Variants in SOSTDC1 observed in about 807,000 individuals in gnomAD.
SOSTDC1 encodes the protein sclerostin domain-containing protein 1.
SOSTDC1 carries 7 observed loss-of-function variants against 15.1 expected under a neutral mutation model. The observed-to-expected ratio is 0.46, with a 90% CI of 0.26 to 0.87. The LOEUF (loss-of-function observed/expected upper bound fraction) is 0.87, where lower values mean the gene tolerates loss of function less well. Among genes scored for constraint, SOSTDC1 ranks in the 40% least tolerant of loss-of-function variants. The pLI is 0.15. For missense variants in SOSTDC1, 242 were observed against 259.2 expected (o/e 0.93, Z 0.46); for synonymous variants, 94 against 93.2 (o/e 1.01, Z -0.05).
chr7:16,465,429 GAA>G (rs11325192), intron 1 of SOSTDC1, 33 bp downstream of exon 1: 125,028 of 1,402,124 alleles, frequency 0.089, 8,128 homozygotes, highest in African/African-American at 0.29. Flanking sequence ...TACCAGAAAA[GAA>G]AAAAAAAAAC....
chr7:16,464,120 G>C (rs1365903360), intron 1 of SOSTDC1, among the ~76,000 whole-genome samples: 2 of 152,196 alleles, frequency 1.3e-5, no homozygotes, highest in African/African-American at 4.8e-5. Flanking sequence ...AACTGAATCA[G>C]GAGTTTCACT....
chr7:16,462,347 T>A lies in SOSTDC1; in HGVS notation c.*201A>T. The A allele has an allele frequency of 3.5e-6, 2 of 576,796 alleles. No homozygotes were observed. The highest frequency in any genetic ancestry group is 4.8e-5 in the South Asian group (2 of 42,072). The allele number at this position is 576,796 out of a possible 1,614,324, so 35.7% of individuals were successfully genotyped here. On this transcript the variant is annotated 3_prime_UTR_variant, in exon 2 of 2. Transcript: ENST00000307068. ...TAAATGCAAATTGCATTCATGGATA[T>A]ACCTACATCTTGAAAAACTTGAAAA...
At position 16,461,601 on chromosome 7, in the gene SOSTDC1, A is replaced by G. The variant is rs1781211897; in HGVS notation, c.*947T>C. 1 of 152,404 alleles carries G rather than the reference A, an allele frequency of 6.6e-6. No individual in the cohort carries two copies. Among genetic ancestry groups the G allele is most frequent in the African/African-American group, 2.4e-5 (1 of 41,456 alleles). The allele number at this position is 152,404 out of a possible 1,614,324, so 9.4% of individuals were successfully genotyped here. On this transcript the variant is annotated 3_prime_UTR_variant, in exon 2 of 2. Coordinates refer to ENST00000307068, the MANE Select transcript of SOSTDC1 (RefSeq NM_015464.3). Reference sequence around the variant, plus strand: ...AACCAATTGAATTGAAGGTCAAGACACCTTCTGATTGCACAGATTAAACAA... The same window carrying G: ...AACCAATTGAATTGAAGGTCAAGACGCCTTCTGATTGCACAGATTAAACAA...
At chr7:16,464,939 C>G (rs934273873) in intron 1 of SOSTDC1, among the ~76,000 whole-genome samples, 6 of 152,130 alleles carry the variant, frequency 3.9e-5, no homozygotes, top group African/African-American at 1.4e-4. Flanking sequence ...TGAGCATCAT[C>G]AAAACTTTTG....
At chr7:16,463,180 GA>G (rs957468472) in intron 1 of SOSTDC1, among the ~76,000 whole-genome samples, 2 of 151,728 alleles carry the variant, frequency 1.3e-5, no homozygotes, top group African/African-American at 2.4e-5. Context: ...ACTTTTTTGG[GA>G]AAAAAAATGT....
chr7:16,461,955 G>A lies in SOSTDC1; in HGVS notation c.*593C>T, dbSNP rs753569597. On this transcript the variant is annotated 3_prime_UTR_variant, in exon 2 of 2. Transcript: ENST00000307068. ...GCATTTCTGGCATTCCATTCCAAGC[G>A]AGGGTCAGCATGCAGGGTATAATTT... The A allele has an allele frequency of 3.9e-5, 6 of 152,572 alleles. No individual in the cohort carries two copies. The highest frequency in any genetic ancestry group is 1.9e-4 in the East Asian group (1 of 5,192). The allele number at this position is 152,572 out of a possible 1,614,324, so 9.5% of individuals were successfully genotyped here. A position where few individuals can be genotyped will look rare whatever the true frequency, so the allele number is the denominator to read the frequency against.
Position 16,462,493 on chromosome 7 carries a change from A to T in SOSTDC1, c.*55T>A, listed in dbSNP as rs1781225826. 4 of 1,564,728 alleles carry T rather than the reference A, an allele frequency of 2.6e-6. No individual in the cohort carries two copies. Among genetic ancestry groups the T allele is most frequent in the African/African-American group, 2.7e-5 (2 of 74,026 alleles). On this transcript the variant is annotated 3_prime_UTR_variant, in exon 2 of 2. Transcript: ENST00000307068. ...GTGGCAGGCTTGAGTCTTCCAAGCAATCAAATCTGTAAAGCAGATGGTTAC... is the reference window on the plus strand; with the variant it reads ...GTGGCAGGCTTGAGTCTTCCAAGCATTCAAATCTGTAAAGCAGATGGTTAC...
At position 16,462,086 on chromosome 7, in the gene SOSTDC1, TC is replaced by T. The variant is rs1254099940; in HGVS notation, c.*461del. On this transcript the variant is annotated 3_prime_UTR_variant, in exon 2 of 2. Transcript: ENST00000307068. Reference sequence around the variant, plus strand: ...AGATCACTCATGGCTGCTAAACTGTTCCCATGAAGAGTACCAAAAAAGCACC... The same window carrying T: ...AGATCACTCATGGCTGCTAAACTGTTCCATGAAGAGTACCAAAAAAGCACC... 1 of 159,620 alleles carries T rather than the reference TC, an allele frequency of 6.3e-6. No homozygotes were observed. 9.9% of individuals were successfully genotyped at this position (159,620 alleles called of 1,614,324 possible). A position where few individuals can be genotyped will look rare whatever the true frequency, so the allele number is the denominator to read the frequency against.
At chr7:16,464,444 C>T in intron 1 of SOSTDC1, 1 of 1,136,542 alleles carries the variant, frequency 8.8e-7, no homozygotes, top group Admixed American at 2.0e-5. Flanking sequence ...AACGAATACC[C>T]ACCACATTGC....
chr7:16,464,671 TC>T (rs1781274829), intron 1 of SOSTDC1, among the ~76,000 whole-genome samples: 1 of 152,048 alleles, frequency 6.6e-6, no homozygotes, highest in Non-Finnish European at 1.5e-5. Context: ...TCTCTCTCTC[TC>T]TCTTAAAACC....
chr7:16,463,041 A>G, intron 1 of SOSTDC1, 78 bp from the exon 2 acceptor site: 1 of 1,391,306 alleles, frequency 7.2e-7, no homozygotes, highest in East Asian at 2.4e-5. Context: ...TGCAATGACA[A>G]AAATAATAGG....
At position 16,462,781 on chromosome 7, in the gene SOSTDC1, C is replaced by A; in HGVS notation, c.388G>T (p.Glu130Ter). 3.7e-6 allele frequency: 6 copies of A among 1,614,184 alleles called. No homozygotes were observed. Among genetic ancestry groups the A allele is most frequent in the Non-Finnish European group, 5.1e-6 (6 of 1,180,026 alleles). Reference protein sequence around the residue: ...TKYWSRRSSQEWRCVNDKTRT... With the variant: ...TKYWSRRSSQ The stretch of plus-strand genomic sequence containing the variant: ...GTTTTGTCATTGACACACCGCCACT[C>A]CTGGGAGCTCCTCCTGCTCCAGTAC... Residue 130 changes from glutamate to a stop codon, truncating the protein, a stop_gained, in exon 2 of 2, where the codon GAG (glutamate) becomes TAG (stop). Transcript: ENST00000307068. LOFTEE classifies it high-confidence loss of function.
chr7:16,464,647 A>ACT (rs1241447177), intron 1 of SOSTDC1, among the ~76,000 whole-genome samples: 3 of 122,960 alleles, frequency 2.4e-5, no homozygotes, highest in Non-Finnish European at 4.8e-5. Context: ...TTTCCTGCGC[A>ACT]GTGTTTCTCT....
chr7:16,463,697 C>G (rs1781249692), intron 1 of SOSTDC1, among the ~76,000 whole-genome samples: 1 of 152,140 alleles, frequency 6.6e-6, no homozygotes, highest in Non-Finnish European at 1.5e-5. Context: ...GTTGCCATAA[C>G]AACTTGGCTA....
chr7:16,462,897 C>T lies in SOSTDC1; in HGVS notation c.272G>A (p.Ser91Asn), dbSNP rs1781235442. The T allele has an allele frequency of 1.2e-6, 2 of 1,612,984 alleles. No individual in the cohort carries two copies. The highest frequency in any genetic ancestry group is 1.3e-5 in the African/African-American group (1 of 74,896). Residue 91 changes from serine (S) to asparagine (N), a missense_variant, in exon 2 of 2, where the codon AGC becomes AAC. By Grantham distance (46) the Ser-to-Asn change is conservative. Transcript: ENST00000307068. ...CACCAGCTCCTTCAGAGGGCTGATG[C>T]TGGTGCACTGGCCATCAGAGATGTA... is the stretch of plus-strand genomic sequence containing the variant. The part of the protein sequence containing the change: ...TKYISDGQCT[S>N]ISPLKELVCA...
chr7:16,463,872 C>A (rs1201162780), intron 1 of SOSTDC1, among the ~76,000 whole-genome samples: 1 of 151,986 alleles, frequency 6.6e-6, no homozygotes, highest in Non-Finnish European at 1.5e-5. Context: ...TTGTTACATG[C>A]CTTATGTAAT....
Position 16,462,895 on chromosome 7 carries a change from T to C in SOSTDC1, c.274A>G (p.Ile92Val), listed in dbSNP as rs1355572419. Residue 92 changes from isoleucine (I) to valine (V), a missense_variant, in exon 2 of 2, where the codon ATC (isoleucine) becomes GTC (valine). Physicochemically the swap from Ile to Val is conservative, Grantham distance 29 (BLOSUM62 3). Transcript: ENST00000307068. ...KYISDGQCTS[I>V]SPLKELVCAG... ...CACACCAGCTCCTTCAGAGGGCTGA[T>C]GCTGGTGCACTGGCCATCAGAGATG... 3 of 1,613,672 alleles carry C rather than the reference T, an allele frequency of 1.9e-6. No individual in the cohort carries two copies. The highest frequency in any genetic ancestry group is 2.5e-6 in the Non-Finnish European group (3 of 1,179,778).
intron 1 of SOSTDC1, among the ~76,000 whole-genome samples, chr7:16,465,140 G>C (rs1781282455): frequency 6.6e-6 from 1 of 152,122 alleles, no homozygotes; most frequent in Non-Finnish European, 1.5e-5. Context: ...CGGAACTTGA[G>C]CTATCTAAAA....
intron 1 of SOSTDC1, among the ~76,000 whole-genome samples, chr7:16,465,034 A>G (rs1011037302): frequency 1.3e-5 from 2 of 152,142 alleles, no homozygotes; most frequent in African/African-American, 4.8e-5. Flanking sequence ...GTGATTCCCT[A>G]TATTTATTTG....
Sources: gnomAD v4.1 joint callset for allele counts (sites outside exome capture counted in the v4.1 genomes callset) on GRCh38, gnomAD v4.1.1 for gene constraint, MANE v1.5 for transcripts, NCBI Gene and HGNC (gene_info 2026-07-23, HGNC 2026-07-21) for gene names.